Variants in TNN observed in about 807,000 individuals in gnomAD.
The protein encoded by TNN is tenascin-N.
A neutral mutation model predicts 134.4 loss-of-function variants in TNN; 122 were observed. The ratio of observed to expected loss-of-function variants is 0.91; its 90% CI spans 0.78 to 1.06. TNN has a LOEUF of 1.06. Ranked by LOEUF, TNN falls within the 50% of genes least tolerant of loss-of-function variation. The pLI, the probability that TNN is intolerant of heterozygous loss-of-function variation, is 0.00. For synonymous variants in TNN, 710 were observed against 670.3 expected (o/e 1.06, Z -0.91); for missense variants, 1,739 against 1,699.4 (o/e 1.02, Z -0.41).
chr1:175,146,834 G>T, intron 18 of TNN, 97 bp from the exon 19 acceptor site: 1 of 1,182,486 alleles, frequency 8.5e-7, no homozygotes, highest in Admixed American at 2.8e-5. Context: ...GGTTTCACTG[G>T]TAATTAATTA....
chr1:175,128,394 A>G (rs1006134323), intron 14 of TNN, among the ~76,000 whole-genome samples: 2 of 152,188 alleles, frequency 1.3e-5, no homozygotes, highest in Non-Finnish European at 2.9e-5. Flanking sequence ...TGGGGGAGGA[A>G]GTGATGTGAA....
rs1278224820 is a variant in TNN at position 175,123,676 on chromosome 1, A to G, written c.2914+13A>G. On this transcript the variant is annotated intron_variant, in intron 12 of 18. Coordinates refer to ENST00000239462, the MANE Select transcript of TNN (RefSeq NM_022093.2). ...AAGGCCCAGACAGGTACTGAGAGGG[A>G]CCAGGCCAGGGGAACACCTCACACT... 1.2e-6 allele frequency: 2 copies of G among 1,613,844 alleles called. No homozygotes were observed. The highest frequency in any genetic ancestry group is 1.7e-6 in the Non-Finnish European group (2 of 1,179,836).
intron 9 of TNN, among the ~76,000 whole-genome samples, chr1:175,116,136 G>A (rs1171626802): frequency 6.6e-6 from 1 of 152,058 alleles, no homozygotes; most frequent in Non-Finnish European, 1.5e-5. Flanking sequence ...TCTTGCTGAT[G>A]TCACACTAGG....
intron 3 of TNN, among the ~76,000 whole-genome samples, 182 bp from the exon 4 acceptor site, chr1:175,079,981 T>TGA (rs1471415897): frequency 5.7e-4 from 86 of 151,872 alleles, no homozygotes; most frequent in African/African-American, 2.0e-3. Flanking sequence ...TGTGTGTGTG[T>TGA]GTGGTGAGGG....
In TNN at chr1:175,083,772, C is replaced by G; in HGVS notation, c.1071C>G (p.Ala357=). ...ATTDLAVLGT[A]WVTDETENSL... Reference sequence around the variant, plus strand: ...TAGACCTTGCTGTGCTTGGCACTGCCTGGGTGACAGATGAGACTGAGAACT... The same window carrying G: ...TAGACCTTGCTGTGCTTGGCACTGCGTGGGTGACAGATGAGACTGAGAACT... The change falls in exon 5 of 19, where the codon GCC becomes GCG. Residue 357 remains alanine, a synonymous_variant. Transcript: ENST00000239462. 6.2e-7 allele frequency: 1 copy of G among 1,614,146 alleles called. No homozygotes were observed. The highest frequency in any genetic ancestry group is 8.5e-7 in the Non-Finnish European group (1 of 1,180,016).
chr1:175,144,016 T>C (rs921154839), intron 17 of TNN, among the ~76,000 whole-genome samples: 27 of 151,774 alleles, frequency 1.8e-4, no homozygotes, highest in African/African-American at 6.1e-4. Flanking sequence ...GTCTGGGTGG[T>C]GTGGAGAAGG....
chr1:175,083,970 G>A (rs371680340), intron 5 of TNN, 35 bp downstream of exon 5: 29 of 1,603,826 alleles, frequency 1.8e-5, no homozygotes, highest in Non-Finnish European at 2.3e-5. Context: ...GATGTATGCT[G>A]TGGATGCAGA....
intron 12 of TNN, among the ~76,000 whole-genome samples, chr1:175,125,994 G>A (rs759543098): frequency 7.3e-6 from 1 of 137,524 alleles, no homozygotes; most frequent in Admixed American, 8.1e-5. Flanking sequence ...CTCTATACAA[G>A]CACCTGTTCC....
intron 9 of TNN, among the ~76,000 whole-genome samples, chr1:175,107,695 C>T (rs1674895332): frequency 7.5e-6 from 1 of 133,634 alleles, no homozygotes; most frequent in Non-Finnish European, 1.6e-5. Context: ...TTTTCTGGCC[C>T]CACCCACATC....
chr1:175,117,139 A>AC lies in TNN; in HGVS notation c.2321dup (p.Val775GlyfsTer16). On this transcript the variant is annotated frameshift_variant, in exon 10 of 19. Coordinates refer to ENST00000239462, the MANE Select transcript of TNN (RefSeq NM_022093.2). LOFTEE classifies it high-confidence loss of function. ...GGGCCTGAGGCCGGGTGTGGAGTACACGGTGCACGTGTGGGCCCAGAAGGG... is the reference window on the plus strand; with the variant it reads ...GGGCCTGAGGCCGGGTGTGGAGTACACCGGTGCACGTGTGGGCCCAGAAGGG... The AC allele has an allele frequency of 6.2e-7, 1 of 1,614,268 alleles. No individual in the cohort carries two copies. The highest frequency in any genetic ancestry group is 8.5e-7 in the Non-Finnish European group (1 of 1,180,046).
chr1:175,110,498 A>G (rs11586185), intron 9 of TNN, among the ~76,000 whole-genome samples: 32,554 of 152,170 alleles, frequency 0.21, 3,646 homozygotes, highest in African/African-American at 0.25. Flanking sequence ...TCATAGTTTC[A>G]GGTCTTACAT....
chr1:175,117,119 T>C lies in TNN; in HGVS notation c.2300T>C (p.Leu767Pro). The C allele has an allele frequency of 6.2e-7, 1 of 1,614,236 alleles. No homozygotes were observed. Among genetic ancestry groups the C allele is most frequent in the Middle Eastern group, 1.6e-4 (1 of 6,062 alleles). Residue 767 changes from leucine to proline, a missense_variant, in exon 10 of 19, where the codon CTG becomes CCG. Coordinates refer to ENST00000239462, the MANE Select transcript of TNN (RefSeq NM_022093.2). The part of the protein sequence containing the change: ...KEQSSTVLTG[L>P]RPGVEYTVHV... Reference sequence around the variant, plus strand: ...CAGAGTAGCACTGTCCTGACGGGCCTGAGGCCGGGTGTGGAGTACACGGTG... The same window carrying C: ...CAGAGTAGCACTGTCCTGACGGGCCCGAGGCCGGGTGTGGAGTACACGGTG...
intron 17 of TNN, among the ~76,000 whole-genome samples, chr1:175,143,634 G>A (rs940513184): frequency 6.6e-6 from 1 of 152,044 alleles, no homozygotes; most frequent in African/African-American, 2.4e-5. Context: ...GACAGATGAG[G>A]GCAGAGAGAA....
At chr1:175,139,985 A>G (rs111675743) in intron 17 of TNN, among the ~76,000 whole-genome samples, 2 of 152,370 alleles carry the variant, frequency 1.3e-5, no homozygotes, top group African/African-American at 4.8e-5. Context: ...TACAGTTGGG[A>G]AACATAGATG....
At chr1:175,087,693 A>G (rs1292208876) in intron 6 of TNN, among the ~76,000 whole-genome samples, 2 of 152,170 alleles carry the variant, frequency 1.3e-5, no homozygotes, top group Admixed American at 6.5e-5. Flanking sequence ...TCTATAATTC[A>G]ATTCATATCT....
At chr1:175,094,367 G>A in intron 7 of TNN, 114 bp downstream of exon 7, 1 of 1,150,354 alleles carries the variant, frequency 8.7e-7, no homozygotes, top group Non-Finnish European at 1.2e-6. Flanking sequence ...CAGGAGTGGG[G>A]AGGAGGTTGC....
rs758781927 is a variant in TNN at position 175,085,386 on chromosome 1, G to T, written c.1235-19G>T. ...TCTGGAGCCTGCACTCACATCCTGC[G>T]CTGCCTGCTTGTTTCCAGGTCTGCA... On this transcript the variant is annotated intron_variant, in intron 5 of 18. Transcript: ENST00000239462. 1.3e-6 allele frequency: 2 copies of T among 1,550,328 alleles called. No homozygotes were observed. The highest frequency in any genetic ancestry group is 1.7e-5 in the Admixed American group (1 of 59,610).
intron 15 of TNN, among the ~76,000 whole-genome samples, chr1:175,133,201 T>C (rs2101848522): frequency 6.6e-6 from 1 of 152,212 alleles, no homozygotes; most frequent in East Asian, 1.9e-4. Flanking sequence ...TGTGTGTGGG[T>C]ACTTTTCAGA....
chr1:175,129,911 C>T (rs1675633273), intron 15 of TNN, among the ~76,000 whole-genome samples: 1 of 152,214 alleles, frequency 6.6e-6, no homozygotes, highest in Non-Finnish European at 1.5e-5. Flanking sequence ...ATTGGAAAGA[C>T]TAAAGTCTGA....
Sources: gnomAD v4.1 joint callset for allele counts (sites outside exome capture counted in the v4.1 genomes callset) on GRCh38, gnomAD v4.1.1 for gene constraint, MANE v1.5 for transcripts, NCBI Gene and HGNC (gene_info 2026-07-23, HGNC 2026-07-21) for gene names.